Variants in RUSC2 observed in about 807,000 individuals in gnomAD.
RUSC2 encodes the protein RUN and SH3 domain containing 2, also known as AP-4 complex accessory subunit RUSC2.
In RUSC2, 34 loss-of-function variants were observed where a neutral mutation model predicts 122.2. The ratio of observed to expected loss-of-function variants is 0.28; its 90% CI spans 0.21 to 0.37. The LOEUF (loss-of-function observed/expected upper bound fraction) is 0.37, where lower values mean the gene tolerates loss of function less well. RUSC2 is among the 10% of genes least tolerant of loss of function. The pLI, the probability that RUSC2 is intolerant of heterozygous loss-of-function variation, is 1.00. For missense variants in RUSC2, 1,747 were observed against 1,952.4 expected (o/e 0.89, Z 1.98); for synonymous variants, 784 against 790.0 (o/e 0.99, Z 0.13).
intron 8 of RUSC2, 61 bp from the exon 9 acceptor site, chr9:35,559,165 C>T (rs892792427): frequency 7.4e-7 from 1 of 1,353,440 alleles, no homozygotes; most frequent in Non-Finnish European, 1.1e-6. Context: ...CCCCCTGGAT[C>T]TGTCTCCTTA....
At chr9:35,507,324 C>T (rs1564245630) in intron 1 of RUSC2, among the ~76,000 whole-genome samples, 1 of 152,150 alleles carries the variant, frequency 6.6e-6, no homozygotes, top group African/African-American at 2.4e-5. Context: ...TTAGTGAATT[C>T]CATTCACTTG....
At chr9:35,552,446 G>C (rs1821919782) in intron 2 of RUSC2, among the ~76,000 whole-genome samples, 1 of 152,176 alleles carries the variant, frequency 6.6e-6, no homozygotes. Flanking sequence ...AAGATTTAAA[G>C]GGATCTTACT....
In RUSC2 at chr9:35,560,595, G is replaced by A; in HGVS notation, c.3955G>A (p.Glu1319Lys). ...GGPPQAPPPREGVVEGAEACP... is the reference protein window; with the variant it reads ...GGPPQAPPPRKGVVEGAEACP... ...ACCTCCCCAGGCTCCACCACCCCGAGAGGGAGTAGTGGAGGGGGCTGAGGC... is the reference window on the plus strand; with the variant it reads ...ACCTCCCCAGGCTCCACCACCCCGAAAGGGAGTAGTGGAGGGGGCTGAGGC... Residue 1319 changes from glutamate (E) to lysine (K), a missense_variant, in exon 10 of 12, where the codon GAG becomes AAG. By Grantham distance (56) the Glu-to-Lys change is moderately conservative. Coordinates refer to ENST00000361226, the MANE Select transcript of RUSC2 (RefSeq NM_014806.5). 1 of 1,613,508 alleles carries A rather than the reference G, an allele frequency of 6.2e-7. No homozygotes were observed. The highest frequency in any genetic ancestry group is 8.5e-7 in the Non-Finnish European group (1 of 1,179,690).
rs1821825186 is a variant in RUSC2 at position 35,548,631 on chromosome 9, T to C, written c.2014+96T>C. The C allele has an allele frequency of 1.4e-6, 2 of 1,449,914 alleles. No homozygotes were observed. The highest frequency in any genetic ancestry group is 1.8e-6 in the Non-Finnish European group (2 of 1,106,638). The allele number at this position is 1,449,914 out of a possible 1,614,324, so 89.8% of individuals were successfully genotyped here. The stretch of plus-strand genomic sequence containing the variant: ...GGTCCCTGCCAGACCACCCCATCCA[T>C]ACCACTAGAGGTTCCACATCCTAGA... On this transcript the variant is annotated intron_variant, in intron 2 of 11. Coordinates refer to ENST00000361226, the MANE Select transcript of RUSC2 (RefSeq NM_014806.5). The surrounding 1 kb of genome is among the most constrained non-coding windows in gnomAD (Gnocchi z 4.5).
chr9:35,491,062 A>G lies in RUSC2; in HGVS notation c.-93+890A>G, dbSNP rs1365022717. On this transcript the variant is annotated intron_variant, in intron 1 of 11. Transcript: ENST00000361226. ...TCTGAGTCAGGCAAGGATTACCACT[A>G]TGTGAACAGTGTCCGTGATAAAGAA... Among the ~76,000 whole-genome samples, 4 of 151,642 alleles carry G rather than the reference A, an allele frequency of 2.6e-5. No individual in the cohort carries two copies. In the East Asian group the frequency reaches 7.8e-4, roughly 29 times the overall value.
intron 1 of RUSC2, among the ~76,000 whole-genome samples, chr9:35,545,480 A>G (rs770404188): frequency 1.3e-5 from 2 of 152,320 alleles, no homozygotes; most frequent in Non-Finnish European, 2.9e-5. Flanking sequence ...TGGCACCAGG[A>G]GACCTTGAAC....
At chr9:35,490,722 C>T (rs1472138356) in intron 1 of RUSC2, among the ~76,000 whole-genome samples, 4 of 152,222 alleles carry the variant, frequency 2.6e-5, no homozygotes, top group African/African-American at 9.6e-5. Flanking sequence ...GTCTCTGTCT[C>T]TCTGTCATCC....
At chr9:35,509,139 GAGTTCA>G (rs1267340739) in intron 1 of RUSC2, among the ~76,000 whole-genome samples, 5 of 152,120 alleles carry the variant, frequency 3.3e-5, no homozygotes, top group Non-Finnish European at 7.3e-5. Flanking sequence ...TTGAAGCTAA[GAGTTCA>G]AGACCCTCGT....
chr9:35,515,787 C>T (rs1363858285), intron 1 of RUSC2, among the ~76,000 whole-genome samples: 4 of 151,608 alleles, frequency 2.6e-5, no homozygotes, highest in Non-Finnish European at 5.9e-5. Flanking sequence ...TCACTTGAGG[C>T]CAGGAAGTTG....
chr9:35,556,530 A>ACCTCTAAGTGCTGGCTGGGC (rs150786704), intron 5 of RUSC2, 82 bp downstream of exon 5: 842,863 of 1,326,432 alleles, frequency 0.64, 282,920 homozygotes, highest in Admixed American at 0.71. Flanking sequence ...CCAGTCTGAA[A>ACCTCTAAGTGCTGGCTGGGC]CCTCTAAGTG....
chr9:35,540,957 C>T (rs1040022919), intron 1 of RUSC2, among the ~76,000 whole-genome samples: 1 of 152,108 alleles, frequency 6.6e-6, no homozygotes, highest in Admixed American at 6.5e-5. Flanking sequence ...ATTATGCCTA[C>T]TTAAAAATGT....
chr9:35,553,131 G>A (rs1268174939), intron 2 of RUSC2, among the ~76,000 whole-genome samples: 1 of 152,216 alleles, frequency 6.6e-6, no homozygotes, highest in Admixed American at 6.5e-5. Flanking sequence ...GGATGGACTG[G>A]GAAGAGTAGG....
chr9:35,559,234 C>T lies in RUSC2; in HGVS notation c.3350C>T (p.Ser1117Phe), dbSNP rs141314822. 1 of 1,613,314 alleles carries T rather than the reference C, an allele frequency of 6.2e-7. No homozygotes were observed. Among genetic ancestry groups the T allele is most frequent in the Admixed American group, 1.7e-5 (1 of 60,018 alleles). ...CACCTGTCTCCCTACAGCATCCGGTCCCTGGAGTTCTGGTTTAATCACCTC... is the reference window on the plus strand; with the variant it reads ...CACCTGTCTCCCTACAGCATCCGGTTCCTGGAGTTCTGGTTTAATCACCTC... ...AFILGLLNIRSLEFWFNHLYN... is the reference protein window; with the variant it reads ...AFILGLLNIRFLEFWFNHLYN... Residue 1117 changes from serine (S) to phenylalanine (F), a missense_variant, in exon 9 of 12, where the codon TCC (serine) becomes TTC (phenylalanine). Ser to Phe is a radical substitution (Grantham distance 155, BLOSUM62 -2). Coordinates refer to ENST00000361226, the MANE Select transcript of RUSC2 (RefSeq NM_014806.5).
chr9:35,523,651 C>CA (rs1382345139), intron 1 of RUSC2, among the ~76,000 whole-genome samples: 1 of 151,032 alleles, frequency 6.6e-6, no homozygotes, highest in African/African-American at 2.4e-5. Context: ...CTTGTCTCTA[C>CA]AAAAAATACA....
In RUSC2 at chr9:35,516,750, C is replaced by T. The variant is rs1821117211; in HGVS notation, c.-93+26578C>T. ...AGGGTCAGAATTCTAAGATACAGAC[C>T]TTGCATAGAGAGGCCTTTAAGGTCT... On this transcript the variant is annotated intron_variant, in intron 1 of 11. Transcript: ENST00000361226. Among the ~76,000 whole-genome samples the T allele has an allele frequency of 2.6e-5, 4 of 152,126 alleles. No homozygotes were observed. In the South Asian group the frequency reaches 8.3e-4, roughly 31 times the overall value.
At chr9:35,549,376 C>T (rs1252440867) in intron 2 of RUSC2, among the ~76,000 whole-genome samples, 1 of 151,414 alleles carries the variant, frequency 6.6e-6, no homozygotes, top group Non-Finnish European at 1.5e-5. Context: ...CAGCTCTTTC[C>T]CTATTTATTT....
At chr9:35,517,053 A>G (rs1275539622) in intron 1 of RUSC2, among the ~76,000 whole-genome samples, 1 of 152,232 alleles carries the variant, frequency 6.6e-6, no homozygotes, top group Non-Finnish European at 1.5e-5. Context: ...ATTTACAAGA[A>G]AAAAATTTTA....
At chr9:35,549,076 A>G in intron 2 of RUSC2, 1 of 985,064 alleles carries the variant, frequency 1.0e-6, no homozygotes, top group Non-Finnish European at 1.2e-6. Flanking sequence ...TAAAATCAGC[A>G]GGACTTAGAG....
intron 1 of RUSC2, among the ~76,000 whole-genome samples, chr9:35,529,185 T>C (rs1219641002): frequency 6.6e-6 from 1 of 152,044 alleles, no homozygotes; most frequent in Non-Finnish European, 1.5e-5. Flanking sequence ...GGTAGAGATA[T>C]AAAGAAAATG....
Sources: allele counts gnomAD v4.1 joint callset (sites outside exome capture counted in the v4.1 genomes callset), GRCh38; gene constraint gnomAD v4.1.1; non-coding constraint Gnocchi (gnomAD v3.1); transcripts MANE v1.5; gene names NCBI Gene and HGNC (gene_info 2026-07-23, HGNC 2026-07-21).